CALD1: variants seen among roughly 807,000 people sequenced by gnomAD.
CALD1 encodes the protein caldesmon.
CALD1 carries 33 observed loss-of-function variants against 99.9 expected under a neutral mutation model. That is an observed-to-expected ratio of 0.33 (90% CI 0.25 to 0.44). CALD1 has a LOEUF of 0.44. CALD1 is among the 20% of genes least tolerant of loss of function. The pLI is 1.00. For missense variants in CALD1, 861 were observed against 962.1 expected, an observed-to-expected ratio of 0.89 and a Z score of 1.39; for synonymous variants, 310 against 325.0, an observed-to-expected ratio of 0.95 and a Z score of 0.50.
At chr7:134,791,953 T>C (rs1797551166) in intron 1 of CALD1, among the ~76,000 whole-genome samples, 2 of 152,212 alleles carry the variant, frequency 1.3e-5, no homozygotes. Flanking sequence ...TGAGACTTAT[T>C]CACTACCACG....
chr7:134,735,626 T>C, the CALD1 span, among the ~76,000 whole-genome samples: 1 of 151,118 alleles, frequency 6.6e-6, no homozygotes, highest in African/African-American at 2.4e-5. Context: ...TCAGTGGAAC[T>C]TGTTCTTAGC....
chr7:134,947,774 G>A lies in CALD1; in HGVS notation c.1794+5G>A, dbSNP rs922455123. ...GATCGAAAACTCAGAGAGGAGGTAA[G>A]GCGGGCGCTAGCCCACTGAGAACGT... On this transcript the variant is annotated splice_donor_5th_base_variant and intron_variant, in intron 8 of 14. Transcript: ENST00000361675. The A allele has an allele frequency of 3.7e-6, 6 of 1,612,600 alleles. No individual in the cohort carries two copies. Among genetic ancestry groups the A allele is most frequent in the Non-Finnish European group, 5.1e-6 (6 of 1,179,184 alleles).
chr7:134,870,020 G>GT (rs1408426705), intron 3 of CALD1, among the ~76,000 whole-genome samples: 1 of 152,128 alleles, frequency 6.6e-6, no homozygotes, highest in African/African-American at 2.4e-5. Flanking sequence ...TTCCAATGCT[G>GT]TGTTATTTCA....
chr7:134,735,789 A>C, the CALD1 span, among the ~76,000 whole-genome samples: 1 of 152,188 alleles, frequency 6.6e-6, no homozygotes, highest in Non-Finnish European at 1.5e-5. Context: ...ACCTGGGATT[A>C]AACATTGCTA....
chr7:134,803,375 T>C (rs1798017614), intron 1 of CALD1, among the ~76,000 whole-genome samples: 1 of 152,212 alleles, frequency 6.6e-6, no homozygotes, highest in African/African-American at 2.4e-5. Context: ...AAAAGTTTTA[T>C]ATTTTAATGA....
intron 1 of CALD1, among the ~76,000 whole-genome samples, chr7:134,756,662 A>C (rs1180669583): frequency 6.6e-6 from 1 of 152,200 alleles, no homozygotes; most frequent in Non-Finnish European, 1.5e-5. Context: ...CATGATTCTT[A>C]GATCAGATCT....
intron 13 of CALD1, chr7:134,961,446 A>G (rs889113326): frequency 6.6e-6 from 1 of 152,154 alleles, no homozygotes; most frequent in Non-Finnish European, 1.5e-5. Flanking sequence ...GAAGAAGAAA[A>G]AGTTTCCAAT....
intron 2 of CALD1, among the ~76,000 whole-genome samples, chr7:134,857,323 C>T (rs1800356846): frequency 6.6e-6 from 1 of 152,008 alleles, no homozygotes; most frequent in African/African-American, 2.4e-5. Context: ...ATGCCCGCCA[C>T]CACGCCCGGC....
intron 1 of CALD1, among the ~76,000 whole-genome samples, chr7:134,841,821 G>A (rs1799662665): frequency 7.0e-6 from 1 of 142,244 alleles, no homozygotes; most frequent in Admixed American, 6.8e-5. Context: ...CACATGGACT[G>A]AGTAACTTGG....
intron 13 of CALD1, chr7:134,962,730 TTG>T: frequency 2.3e-6 from 1 of 433,624 alleles, no homozygotes; most frequent in Admixed American, 2.6e-5. Context: ...TGTCTATTCT[TTG>T]TGTCTAAACT....
At chr7:134,889,649 C>G (rs556395921) in intron 3 of CALD1, among the ~76,000 whole-genome samples, 6 of 152,064 alleles carry the variant, frequency 3.9e-5, no homozygotes, top group Non-Finnish European at 7.4e-5. Context: ...CAGAATGCCT[C>G]GATACATGTT....
chr7:134,717,720 A>G, the CALD1 span, among the ~76,000 whole-genome samples: 10 of 152,358 alleles, frequency 6.6e-5, no homozygotes, highest in Admixed American at 5.2e-4. Flanking sequence ...AGAAGGCACA[A>G]TTATTATAAC....
intron 2 of CALD1, among the ~76,000 whole-genome samples, chr7:134,850,744 C>T (rs567164229): frequency 2.8e-4 from 43 of 152,286 alleles, no homozygotes; most frequent in Non-Finnish European, 6.0e-4. Context: ...CCCTTGTCCA[C>T]CCTTGATGTG....
intron 1 of CALD1, among the ~76,000 whole-genome samples, chr7:134,823,840 T>G (rs570771316): frequency 6.6e-6 from 1 of 152,326 alleles, no homozygotes; most frequent in South Asian, 2.1e-4. Context: ...TTTCAACAAG[T>G]GAATGACACA....
intron 3 of CALD1, among the ~76,000 whole-genome samples, chr7:134,872,368 A>AAC (rs1218310999): frequency 1.3e-5 from 1 of 76,422 alleles, no homozygotes; most frequent in African/African-American, 8.5e-5. Context: ...AAAAAAAAAA[A>AAC]AAAAAAAAAA....
intron 1 of CALD1, among the ~76,000 whole-genome samples, chr7:134,770,050 A>G (rs975142244): frequency 6.6e-6 from 1 of 152,152 alleles, no homozygotes; most frequent in African/African-American, 2.4e-5. Flanking sequence ...TTCTTGATGT[A>G]ACCAAATTTT....
intron 1 of CALD1, among the ~76,000 whole-genome samples, chr7:134,796,628 C>T (rs913405127): frequency 2.6e-5 from 4 of 152,042 alleles, no homozygotes; most frequent in Admixed American, 6.6e-5. Context: ...CTCTGTTGCC[C>T]AGGCTGGAGT....
At chr7:134,912,092 A>C (rs1440476698) in intron 3 of CALD1, among the ~76,000 whole-genome samples, 3 of 152,200 alleles carry the variant, frequency 2.0e-5, no homozygotes, top group Non-Finnish European at 4.4e-5. Flanking sequence ...TATAAAATGA[A>C]GTTGAAAGAA....
intron 2 of CALD1, among the ~76,000 whole-genome samples, chr7:134,853,400 T>C (rs1800160771): frequency 6.6e-6 from 1 of 152,252 alleles, no homozygotes; most frequent in South Asian, 2.1e-4. Flanking sequence ...GTTCCCCGTA[T>C]GAATTCATGT....
Sources: gnomAD v4.1 joint callset for allele counts (sites outside exome capture counted in the v4.1 genomes callset) on GRCh38, gnomAD v4.1.1 for gene constraint, MANE v1.5 for transcripts, NCBI Gene and HGNC (gene_info 2026-07-23, HGNC 2026-07-21) for gene names.